The following TFDP2 variants were observed in gnomAD, a reference collection of about 807,000 sequenced individuals.
The protein encoded by TFDP2 is transcription factor Dp-2.
In TFDP2, 17 loss-of-function variants were observed where a neutral mutation model predicts 59.3. The observed-to-expected ratio is 0.29, with a 90% confidence interval of 0.20 to 0.43. The LOEUF (loss-of-function observed/expected upper bound fraction) is 0.43, where lower values mean the gene tolerates loss of function less well. Among genes scored for constraint, TFDP2 ranks in the 20% least tolerant of loss-of-function variants. The pLI is 1.00. For synonymous variants in TFDP2, 180 were observed against 194.7 expected (o/e 0.92, Z 0.63); for missense variants, 391 against 528.8 (o/e 0.74, Z 2.56).
intron 3 of TFDP2, among the ~76,000 whole-genome samples, chr3:142,087,726 T>C (rs2060849790): frequency 6.6e-6 from 1 of 152,186 alleles, no homozygotes; most frequent in African/African-American, 2.4e-5. Context: ...GGTCTTGAAC[T>C]GCTGAGCTCA....
chr3:142,073,739 A>C (rs574655783), intron 3 of TFDP2, among the ~76,000 whole-genome samples: 1 of 152,324 alleles, frequency 6.6e-6, no homozygotes, highest in East Asian at 1.9e-4. Flanking sequence ...AGTAGGTTTT[A>C]GTATATTTAC....
intron 3 of TFDP2, among the ~76,000 whole-genome samples, chr3:142,091,848 C>T (rs1440028825): frequency 6.6e-6 from 1 of 152,128 alleles, no homozygotes; most frequent in Non-Finnish European, 1.5e-5. Context: ...GAATCTAATG[C>T]TCACTTGCTG....
rs1485266957 is a variant in TFDP2 at position 141,948,254 on chromosome 3, A to T, written c.*4259T>A. On this transcript the variant is annotated 3_prime_UTR_variant, in exon 13 of 13. Coordinates refer to ENST00000489671, the MANE Select transcript of TFDP2 (RefSeq NM_001178139.2). ...GAAAGGAAATAATTTTTAAAAAGCT[A>T]AATAGAGCCGGGTGCGGTGGCTCAC... 1 of 152,182 alleles carries T rather than the reference A, an allele frequency of 6.6e-6. No individual in the cohort carries two copies. The highest frequency in any genetic ancestry group is 1.5e-5 in the Non-Finnish European group (1 of 68,080). The allele number at this position is 152,182 out of a possible 1,614,324, so 9.4% of individuals were successfully genotyped here.
intron 2 of TFDP2, among the ~76,000 whole-genome samples, chr3:142,096,172 C>G (rs2061157696): frequency 6.6e-6 from 1 of 152,310 alleles, no homozygotes; most frequent in East Asian, 1.9e-4. Context: ...TGAGTCCATA[C>G]TGCATGCTAA....
At chr3:142,034,502 C>T (rs1946590798) in intron 3 of TFDP2, among the ~76,000 whole-genome samples, 1 of 152,120 alleles carries the variant, frequency 6.6e-6, no homozygotes, top group African/African-American at 2.4e-5. Flanking sequence ...AAGACATTGT[C>T]CTTATCCTCA....
chr3:142,051,736 T>C (rs1947639835), intron 3 of TFDP2, among the ~76,000 whole-genome samples: 1 of 152,194 alleles, frequency 6.6e-6, no homozygotes, highest in African/African-American at 2.4e-5. Flanking sequence ...TGGGAAATGA[T>C]AATCTTTTTT....
chr3:142,121,673 A>G lies in TFDP2; in HGVS notation c.-92-19832T>C, dbSNP rs887813439. Among the ~76,000 whole-genome samples, 1 of 152,102 alleles carries G rather than the reference A, an allele frequency of 6.6e-6. No homozygotes were observed. Among genetic ancestry groups the G allele is most frequent in the South Asian group, 2.1e-4 (1 of 4,812 alleles). ...CATAGGCTATACAGATTGACTATAC[A>G]GTTTAGAAGACTCTTTCAAGGAGTA... On this transcript the variant is annotated intron_variant, in intron 1 of 12. Transcript: ENST00000489671. The surrounding 1 kb of genome is among the most constrained non-coding windows in gnomAD (Gnocchi z 4.3).
chr3:142,001,435 C>CA (rs1943757479), intron 4 of TFDP2, among the ~76,000 whole-genome samples: 1 of 152,196 alleles, frequency 6.6e-6, no homozygotes, highest in Admixed American at 6.5e-5. Flanking sequence ...TTCTGTCCCC[C>CA]ATGCCTTGGC....
At chr3:141,977,597 T>TA (rs1334342220) in intron 7 of TFDP2, among the ~76,000 whole-genome samples, 1 of 152,148 alleles carries the variant, frequency 6.6e-6, no homozygotes, top group African/African-American at 2.4e-5. Context: ...CTGAATTTTT[T>TA]ATAAACATAT....
chr3:141,959,545 T>TA, intron 11 of TFDP2, 129 bp downstream of exon 11: 1 of 982,268 alleles, frequency 1.0e-6, no homozygotes, highest in Admixed American at 2.3e-5. Context: ...CCTAAAGTGT[T>TA]AAAGGTTTCA....
At chr3:142,066,552 A>G (rs941704883) in intron 3 of TFDP2, among the ~76,000 whole-genome samples, 3 of 152,192 alleles carry the variant, frequency 2.0e-5, no homozygotes, top group African/African-American at 7.2e-5. Context: ...AGTGAAAAAC[A>G]GAACAGTGGT....
chr3:142,130,696 T>C (rs2062468701), intron 1 of TFDP2, among the ~76,000 whole-genome samples: 2 of 152,010 alleles, frequency 1.3e-5, no homozygotes, highest in African/African-American at 2.4e-5. Context: ...TGAAGATGGA[T>C]GGTGGTGATG....
At chr3:142,114,097 G>T (rs1369515591) in intron 1 of TFDP2, among the ~76,000 whole-genome samples, 3 of 151,926 alleles carry the variant, frequency 2.0e-5, no homozygotes, top group African/African-American at 7.3e-5. Flanking sequence ...CCCGGGAGGT[G>T]GAGCTTGCAG....
chr3:142,005,375 CA>C (rs1326878823), intron 4 of TFDP2, 65 bp downstream of exon 4: 4 of 1,275,340 alleles, frequency 3.1e-6, no homozygotes, highest in Non-Finnish European at 4.5e-6. Context: ...ATATTTAATG[CA>C]ATTATTCTTT....
intron 6 of TFDP2, among the ~76,000 whole-genome samples, chr3:141,985,699 G>A (rs1481138628): frequency 6.6e-6 from 1 of 151,916 alleles, no homozygotes; most frequent in Non-Finnish European, 1.5e-5. Context: ...TTGTGACCTT[G>A]GATTAGGCAA....
intron 3 of TFDP2, among the ~76,000 whole-genome samples, chr3:142,011,633 A>G (rs1318930560): frequency 8.4e-6 from 1 of 118,640 alleles, no homozygotes; most frequent in African/African-American, 3.1e-5. Flanking sequence ...GAAAACAAGG[A>G]AAAAAAAAAA....
At chr3:142,083,405 G>C (rs2060706532) in intron 3 of TFDP2, among the ~76,000 whole-genome samples, 1 of 152,102 alleles carries the variant, frequency 6.6e-6, no homozygotes, top group African/African-American at 2.4e-5. Flanking sequence ...AGAAGAATCA[G>C]TATTGTTAAA....
intron 3 of TFDP2, among the ~76,000 whole-genome samples, chr3:142,037,490 G>A (rs1219048061): frequency 6.6e-6 from 1 of 152,214 alleles, no homozygotes; most frequent in East Asian, 1.9e-4. Context: ...AGGTGAAGAG[G>A]TCTCAGCCAT....
At chr3:142,045,459 C>T (rs2108468033) in intron 3 of TFDP2, among the ~76,000 whole-genome samples, 1 of 152,032 alleles carries the variant, frequency 6.6e-6, no homozygotes, top group South Asian at 2.1e-4. Flanking sequence ...CACACCTGGT[C>T]GTGTTTTGAA....
Sources: gnomAD v4.1 joint callset for allele counts (sites outside exome capture counted in the v4.1 genomes callset) on GRCh38, gnomAD v4.1.1 for gene constraint, Gnocchi (gnomAD v3.1) non-coding constraint, MANE v1.5 for transcripts, NCBI Gene and HGNC (gene_info 2026-07-23, HGNC 2026-07-21) for gene names.